The following PEAK1 variants were observed in gnomAD, a reference collection of about 807,000 sequenced individuals.
PEAK1 encodes the protein inactive tyrosine-protein kinase PEAK1.
PEAK1 carries 54 observed loss-of-function variants against 124.7 expected under a neutral mutation model. The ratio of observed to expected loss-of-function variants is 0.43; its 90% CI spans 0.35 to 0.54. The LOEUF is 0.54. PEAK1 is among the 20% of genes least tolerant of loss of function. PEAK1 has a pLI of 0.01. For missense variants in PEAK1, 2,046 were observed against 2,134.5 expected, an observed-to-expected ratio of 0.96 and a Z score of 0.82; for synonymous variants, 719 against 760.0, an observed-to-expected ratio of 0.95 and a Z score of 0.89.
Position 77,180,675 on chromosome 15 carries a change from C to T in PEAK1, c.1252G>A (p.Ala418Thr). The T allele has an allele frequency of 6.2e-7, 1 of 1,614,126 alleles. No individual in the cohort carries two copies. Among genetic ancestry groups the T allele is most frequent in the Non-Finnish European group, 8.5e-7 (1 of 1,180,000 alleles). ...KVPETHKAVLALRLEEKDGKI... is the reference protein window; with the variant it reads ...KVPETHKAVLTLRLEEKDGKI... ...CCATCTTTCTCTTCTAATCGGAGAG[C>T]AAGGACTGCTTTGTGGGTCTCTGGA... is the stretch of plus-strand genomic sequence containing the variant. Residue 418 changes from alanine to threonine, a missense_variant, in exon 7 of 10, where the codon GCT (alanine) becomes ACT (threonine). By Grantham distance (58) the Ala-to-Thr change is moderately conservative. Transcript: ENST00000682557.
intron 1 of PEAK1, among the ~76,000 whole-genome samples, chr15:77,389,184 G>A (rs2070237296): frequency 6.6e-6 from 1 of 151,968 alleles, no homozygotes; most frequent in African/African-American, 2.4e-5. Flanking sequence ...GAACTCCTGG[G>A]CTCAAAGTGA....
At chr15:77,130,754 T>C (rs2052786057) in intron 9 of PEAK1, among the ~76,000 whole-genome samples, 1 of 152,218 alleles carries the variant, frequency 6.6e-6, no homozygotes, top group African/African-American at 2.4e-5. Context: ...AAACCTTTCA[T>C]ATGCATTATC....
intron 2 of PEAK1, chr15:77,346,072 C>T (rs1390666589): frequency 2.4e-5 from 24 of 985,348 alleles, no homozygotes; most frequent in East Asian, 1.1e-4. Flanking sequence ...TAGAGTTAAT[C>T]GAAGGCACAA....
intron 6 of PEAK1, among the ~76,000 whole-genome samples, chr15:77,200,913 G>T (rs568718642): frequency 2.0e-5 from 3 of 151,996 alleles, no homozygotes; most frequent in East Asian, 3.9e-4. Context: ...ACTAATTTTA[G>T]GTAGTACATA....
At chr15:77,198,235 A>C (rs766563351) in intron 6 of PEAK1, among the ~76,000 whole-genome samples, 17 of 152,252 alleles carry the variant, frequency 1.1e-4, no homozygotes, top group Admixed American at 3.3e-4. Flanking sequence ...GATGCTAATC[A>C]TCTCCACATG....
At chr15:77,284,717 AC>A (rs1347846839) in intron 4 of PEAK1, among the ~76,000 whole-genome samples, 1 of 152,178 alleles carries the variant, frequency 6.6e-6, no homozygotes, top group African/African-American at 2.4e-5. Flanking sequence ...AGGAGCTCAG[AC>A]TAAATTGTCC....
At chr15:77,417,578 G>A (rs1346502776) in intron 1 of PEAK1, 5 of 985,220 alleles carry the variant, frequency 5.1e-6, no homozygotes, top group Non-Finnish European at 6.0e-6. Flanking sequence ...ACACTGATAT[G>A]GAGCCTTGTA....
intron 2 of PEAK1, chr15:77,347,389 A>G: frequency 1.0e-5 from 10 of 985,406 alleles, no homozygotes; most frequent in Non-Finnish European, 1.2e-5. Flanking sequence ...ATCAGAAAGA[A>G]TCGGCATCAG....
chr15:77,348,427 C>A (rs986993442), intron 2 of PEAK1: 2 of 929,146 alleles, frequency 2.2e-6, no homozygotes, highest in African/African-American at 1.8e-5. Flanking sequence ...TAAAAAACAG[C>A]TGATTTTTTA....
chr15:77,245,626 G>C (rs1378152994), intron 6 of PEAK1, among the ~76,000 whole-genome samples: 1 of 152,032 alleles, frequency 6.6e-6, no homozygotes, highest in Admixed American at 6.5e-5. Context: ...TTGAACCCAG[G>C]AGGCAGAGGC....
chr15:77,371,377 A>G (rs574157880), intron 1 of PEAK1: 2 of 934,178 alleles, frequency 2.1e-6, no homozygotes, highest in African/African-American at 3.6e-5. Context: ...AGGAACATTA[A>G]TTGAAAGTGT....
intron 1 of PEAK1, among the ~76,000 whole-genome samples, chr15:77,405,914 C>T (rs2071778561): frequency 6.6e-6 from 1 of 152,066 alleles, no homozygotes; most frequent in Non-Finnish European, 1.5e-5. Flanking sequence ...GTCTAACTCC[C>T]TAAATTAGAA....
chr15:77,177,819 T>G (rs2056978602), intron 7 of PEAK1: 1 of 152,192 alleles, frequency 6.6e-6, no homozygotes, highest in Non-Finnish European at 1.5e-5. Flanking sequence ...AAAGAAAAAC[T>G]TAGGCTTCCT....
chr15:77,241,992 T>C (rs919944765), intron 6 of PEAK1, among the ~76,000 whole-genome samples: 3 of 152,064 alleles, frequency 2.0e-5, no homozygotes, highest in African/African-American at 7.2e-5. Context: ...TCCACATCAA[T>C]ATTTTTCTAT....
chr15:77,154,803 G>A (rs1342102142), intron 8 of PEAK1, among the ~76,000 whole-genome samples: 2 of 151,970 alleles, frequency 1.3e-5, no homozygotes, highest in Non-Finnish European at 2.9e-5. Context: ...TAAGAATGTT[G>A]AATATTGGCC....
intron 1 of PEAK1, among the ~76,000 whole-genome samples, chr15:77,374,987 G>A (rs1361107069): frequency 1.3e-5 from 2 of 152,060 alleles, no homozygotes; most frequent in Non-Finnish European, 2.9e-5. Context: ...TAGAAAAGAG[G>A]AGAAAAATTA....
At chr15:77,116,344 C>G (rs2051362441) in intron 9 of PEAK1, among the ~76,000 whole-genome samples, 1 of 152,184 alleles carries the variant, frequency 6.6e-6, no homozygotes, top group East Asian at 1.9e-4. Context: ...TCAGCAGAGG[C>G]ACACTGCCAC....
intron 2 of PEAK1, among the ~76,000 whole-genome samples, chr15:77,306,661 C>A (rs28584877): frequency 0.32 from 48,819 of 151,614 alleles, 8,457 homozygotes; most frequent in East Asian, 0.63. Context: ...TTTCCTCTGT[C>A]ATCCAGGGCT....
intron 5 of PEAK1, among the ~76,000 whole-genome samples, chr15:77,276,363 C>T (rs557765811): frequency 6.6e-6 from 1 of 152,158 alleles, no homozygotes; most frequent in South Asian, 2.1e-4. Context: ...AACATTTTCC[C>T]TAGAGGGGAA....
Sources: allele counts gnomAD v4.1 joint callset (sites outside exome capture counted in the v4.1 genomes callset), GRCh38; gene constraint gnomAD v4.1.1; transcripts MANE v1.5; gene names NCBI Gene and HGNC (gene_info 2026-07-23, HGNC 2026-07-21).